Variants in AFF3 observed in about 807,000 individuals in gnomAD.
The protein encoded by AFF3 is ALF transcription elongation factor 3, also known as AF4/FMR2 family member 3.
In AFF3, 32 loss-of-function variants were observed where a neutral mutation model predicts 129.7. The ratio of observed to expected loss-of-function variants is 0.25; its 90% CI spans 0.19 to 0.33. The LOEUF is 0.33. Among genes scored for constraint, AFF3 ranks in the 10% least tolerant of loss-of-function variants. The pLI, the probability that AFF3 is intolerant of heterozygous loss-of-function variation, is 1.00. For missense variants in AFF3, 1,373 were observed against 1,592.0 expected (o/e 0.86, Z 2.34); for synonymous variants, 644 against 635.4 (o/e 1.01, Z -0.20).
chr2:99,867,257 T>C (rs1434018108), intron 7 of AFF3, among the ~76,000 whole-genome samples: 1 of 152,062 alleles, frequency 6.6e-6, no homozygotes, highest in Non-Finnish European at 1.5e-5. Context: ...CCTAACTTGA[T>C]GAATAGCATT....
intron 8 of AFF3, among the ~76,000 whole-genome samples, chr2:99,763,333 A>C (rs1682768839): frequency 6.6e-6 from 1 of 152,252 alleles, no homozygotes; most frequent in African/African-American, 2.4e-5. Context: ...TCTACAGTAA[A>C]AAACAAACAA....
chr2:99,829,981 G>A (rs61388685), intron 8 of AFF3, among the ~76,000 whole-genome samples: 2 of 152,164 alleles, frequency 1.3e-5, no homozygotes, highest in Admixed American at 1.3e-4. Flanking sequence ...CCTTTGCAGG[G>A]ACATAGATGA....
At position 99,801,193 on chromosome 2, in the gene AFF3, C is replaced by T. The variant is rs1411031294; in HGVS notation, c.921+36284G>A. Among the ~76,000 whole-genome samples, 3 of 152,082 alleles carry T rather than the reference C, an allele frequency of 2.0e-5. No individual in the cohort carries two copies. In the East Asian group the frequency reaches 5.8e-4, roughly 29 times the overall value. On this transcript the variant is annotated intron_variant, in intron 8 of 24. Transcript: ENST00000672756. Reference sequence around the variant, plus strand: ...GATACTTCCTATTTCTTCCTAATTCCATGCAATTTAGACTTCATACATGTA... The same window carrying T: ...GATACTTCCTATTTCTTCCTAATTCTATGCAATTTAGACTTCATACATGTA...
intron 8 of AFF3, among the ~76,000 whole-genome samples, chr2:99,762,490 T>C (rs1265233560): frequency 6.6e-6 from 1 of 152,208 alleles, no homozygotes; most frequent in African/African-American, 2.4e-5. Context: ...GTGTTACCAC[T>C]ATCAGAATAT....
chr2:99,655,334 C>A (rs755950311), intron 12 of AFF3, among the ~76,000 whole-genome samples: 1 of 151,442 alleles, frequency 6.6e-6, no homozygotes, highest in Non-Finnish European at 1.5e-5. Flanking sequence ...ATGAAGGAAA[C>A]CTTGTTTGGA....
intron 18 of AFF3, among the ~76,000 whole-genome samples, chr2:99,576,046 T>TA (rs1163539380): frequency 6.6e-6 from 1 of 151,840 alleles, no homozygotes; most frequent in Non-Finnish European, 1.5e-5. Context: ...ATGATTTTTT[T>TA]TTTTTTTGAG....
intron 4 of AFF3, among the ~76,000 whole-genome samples, chr2:100,021,013 T>C (rs890718262): frequency 1.3e-4 from 20 of 152,330 alleles, no homozygotes; most frequent in African/African-American, 4.8e-4. Context: ...AGTTTCTATG[T>C]TATGGCTCCT....
At chr2:99,819,541 C>G (rs572454453) in intron 8 of AFF3, among the ~76,000 whole-genome samples, 1 of 152,306 alleles carries the variant, frequency 6.6e-6, no homozygotes, top group East Asian at 1.9e-4. Flanking sequence ...GGTTTACCTC[C>G]ACAACCACAT....
chr2:99,801,527 G>GC (rs954121863), intron 8 of AFF3, among the ~76,000 whole-genome samples: 1 of 152,192 alleles, frequency 6.6e-6, no homozygotes, highest in African/African-American at 2.4e-5. Context: ...CGCAGACCAA[G>GC]CAGGAGACTG....
intron 18 of AFF3, among the ~76,000 whole-genome samples, chr2:99,574,672 T>C (rs1161514401): frequency 6.6e-6 from 1 of 152,226 alleles, no homozygotes; most frequent in African/African-American, 2.4e-5. Flanking sequence ...CATTAACAAG[T>C]ATTTATAATA....
chr2:99,577,307 T>C (rs989778501), intron 18 of AFF3, among the ~76,000 whole-genome samples: 3 of 152,142 alleles, frequency 2.0e-5, no homozygotes, highest in Non-Finnish European at 4.4e-5. Context: ...GGGCGGACGA[T>C]GAGGCTGGAG....
chr2:100,081,747 G>A (rs1400700200), intron 4 of AFF3, among the ~76,000 whole-genome samples: 1 of 152,218 alleles, frequency 6.6e-6, no homozygotes, highest in African/African-American at 2.4e-5. Flanking sequence ...GTAAGGTACT[G>A]TCATAGGTTA....
intron 4 of AFF3, among the ~76,000 whole-genome samples, chr2:100,035,802 A>G (rs984674015): frequency 2.3e-4 from 35 of 152,204 alleles, no homozygotes; most frequent in African/African-American, 8.4e-4. Flanking sequence ...CCAAATCTTT[A>G]AAAATGGGGA....
intron 11 of AFF3, among the ~76,000 whole-genome samples, chr2:99,705,900 A>AAAAAAC (rs1268873680): frequency 7.2e-6 from 1 of 138,354 alleles, no homozygotes; most frequent in African/African-American, 2.7e-5. Flanking sequence ...AAAAAAAAAA[A>AAAAAAC]CACGCCCTTT....
chr2:100,020,371 T>C (rs568459671), intron 4 of AFF3, among the ~76,000 whole-genome samples: 1 of 152,228 alleles, frequency 6.6e-6, no homozygotes, highest in South Asian at 2.1e-4. Context: ...ACAGTCTTTA[T>C]GGGAGATGTC....
chr2:100,135,291 G>A (rs1296566961), intron 1 of AFF3, among the ~76,000 whole-genome samples: 2 of 152,214 alleles, frequency 1.3e-5, no homozygotes, highest in Non-Finnish European at 2.9e-5. Flanking sequence ...CTCAGGAGGT[G>A]GAACCTATTC....
At chr2:99,833,395 C>G (rs1424613357) in intron 8 of AFF3, among the ~76,000 whole-genome samples, 2 of 152,184 alleles carry the variant, frequency 1.3e-5, no homozygotes, top group Non-Finnish European at 2.9e-5. Context: ...AAATGCAACT[C>G]TATGTAAATA....
At chr2:99,598,771 A>G (rs1679537481) in intron 14 of AFF3, among the ~76,000 whole-genome samples, 3 of 152,198 alleles carry the variant, frequency 2.0e-5, no homozygotes, top group Non-Finnish European at 4.4e-5. Context: ...AGCTCTCTGT[A>G]AGGTGACCTG....
chr2:99,734,820 T>G (rs1680115120), intron 10 of AFF3, among the ~76,000 whole-genome samples: 1 of 152,162 alleles, frequency 6.6e-6, no homozygotes, highest in South Asian at 2.1e-4. Context: ...GAATGATACC[T>G]GTGAATTCTT....
Sources: gnomAD v4.1 joint callset for allele counts (sites outside exome capture counted in the v4.1 genomes callset) on GRCh38, gnomAD v4.1.1 for gene constraint, MANE v1.5 for transcripts, NCBI Gene and HGNC (gene_info 2026-07-23, HGNC 2026-07-21) for gene names.